Variants in ULK3 observed in about 807,000 individuals in gnomAD.
ULK3 encodes the protein serine/threonine-protein kinase ULK3.
A neutral mutation model predicts 69.4 loss-of-function variants in ULK3; 54 were observed. The ratio of observed to expected loss-of-function variants is 0.78; its 90% CI spans 0.63 to 0.98. ULK3 has a LOEUF of 0.98. ULK3 is among the 50% of genes least tolerant of loss of function. ULK3 has a pLI of 0.00. For synonymous variants in ULK3, 240 were observed against 254.5 expected (o/e 0.94, Z 0.54); for missense variants, 558 against 627.7 (o/e 0.89, Z 1.19).
rs548531073 is a variant in ULK3, at chr15:74,837,634, G to T, written c.1335+117C>A. On this transcript the variant is annotated intron_variant, in intron 14 of 15. Coordinates refer to ENST00000440863, the MANE Select transcript of ULK3 (RefSeq NM_001099436.4). The stretch of plus-strand genomic sequence containing the variant: ...AGTGAAGGGCAGATACAGGGACAGG[G>T]AGGCCTGCAGAGGAGGCGAGAGAGC... 6.6e-6 allele frequency: 9 copies of T among 1,354,508 alleles called. No individual in the cohort carries two copies. In the South Asian group the frequency reaches 1.0e-4, roughly 15 times the overall value. 83.9% of individuals were successfully genotyped at this position (1,354,508 alleles called of 1,614,324 possible).
Position 74,838,756 on chromosome 15 carries a change from GA to G in ULK3, c.1000-12del. 1.9e-6 allele frequency: 3 copies of G among 1,592,114 alleles called. No individual in the cohort carries two copies. Among genetic ancestry groups the G allele is most frequent in the Admixed American group, 3.4e-5 (2 of 58,114 alleles). Reference sequence around the variant, plus strand: ...CACGTACTGCCCCACCTGTAGCAGGGAAAGGGCCTGAGGAGGGGCTGTCTCA... The same window carrying G: ...CACGTACTGCCCCACCTGTAGCAGGGAAGGGCCTGAGGAGGGGCTGTCTCA... On this transcript the variant is annotated splice_polypyrimidine_tract_variant and intron_variant, in intron 9 of 15. Coordinates refer to ENST00000440863, the MANE Select transcript of ULK3 (RefSeq NM_001099436.4).
In ULK3 at chr15:74,842,363, C is replaced by T. The variant is rs1324499763; in HGVS notation, c.160G>A (p.Ala54Thr). The T allele has an allele frequency of 5.0e-6, 8 of 1,613,872 alleles. No individual in the cohort carries two copies. The African/African-American group carries it at 1.1e-4, about 22-fold the overall frequency. The change falls in exon 2 of 16, where the codon GCA (alanine) becomes ACA (threonine). Residue 54 changes from alanine (A) to threonine (T), a missense_variant. Physicochemically the swap from Ala to Thr is moderately conservative, Grantham distance 58 (BLOSUM62 0). Transcript: ENST00000440863. The surrounding 1 kb of genome is among the most constrained non-coding windows in gnomAD (Gnocchi z 4.9). ...KCVAKKSLNK[A>T]SVENLLTEIE... ...TCCGTGAGGAGGTTCTCCACCGATGCCTTGTTCAGACTTTTCTTGGCTACA... is the reference window on the plus strand; with the variant it reads ...TCCGTGAGGAGGTTCTCCACCGATGTCTTGTTCAGACTTTTCTTGGCTACA...
chr15:74,839,719 G>T lies in ULK3; in HGVS notation c.697-6C>A. The stretch of plus-strand genomic sequence containing the variant: ...AGCAGGGGCCGCAAGGGGAGCTGCA[G>T]GGAAGGGAACGGCAGGGACAGATCA... On this transcript the variant is annotated splice_region_variant and splice_polypyrimidine_tract_variant and intron_variant, in intron 6 of 15. Coordinates refer to ENST00000440863, the MANE Select transcript of ULK3 (RefSeq NM_001099436.4). 1 of 1,536,376 alleles carries T rather than the reference G, an allele frequency of 6.5e-7. No homozygotes were observed. The highest frequency in any genetic ancestry group is 2.4e-5 in the East Asian group (1 of 41,936).
chr15:74,840,218 G>T lies in ULK3; in HGVS notation c.696+16C>A. On this transcript the variant is annotated intron_variant, in intron 6 of 15. Transcript: ENST00000440863. ...CCTCTGCCCCCCAGTGGTCGCTAAG[G>T]CCCTGCTAGACACACCTCGATGACC... The T allele has an allele frequency of 6.2e-7, 1 of 1,601,988 alleles. No homozygotes were observed. Among genetic ancestry groups the T allele is most frequent in the Non-Finnish European group, 8.5e-7 (1 of 1,174,734 alleles).
At chr15:74,837,954 GC>G in intron 13 of ULK3, 156 bp from the exon 14 acceptor site, 1 of 1,188,122 alleles carries the variant, frequency 8.4e-7, no homozygotes, top group Non-Finnish European at 1.2e-6. Flanking sequence ...CCTCCAGGAA[GC>G]CTTCCCAGAC....
chr15:74,840,913 T>TC (rs2064224138), intron 4 of ULK3, among the ~76,000 whole-genome samples: 1 of 151,514 alleles, frequency 6.6e-6, no homozygotes, highest in Non-Finnish European at 1.5e-5. Context: ...CCTCTCACTG[T>TC]CCCCCCAGGC....
chr15:74,838,421 C>A lies in ULK3; in HGVS notation c.1167+19G>T. ...CTGCCCTGCCCCGACCCACCTGGAC[C>A]CCTCCCACTGGCACAAACCTTGGCC... On this transcript the variant is annotated intron_variant, in intron 11 of 15. Transcript: ENST00000440863. The A allele has an allele frequency of 2.5e-6, 4 of 1,568,946 alleles. No individual in the cohort carries two copies. The highest frequency in any genetic ancestry group is 2.4e-5 in the East Asian group (1 of 42,012).
Position 74,842,401 on chromosome 15 carries a change from A to G in ULK3, c.122T>C (p.Val41Ala), listed in dbSNP as rs1186653165. 1 of 1,613,844 alleles carries G rather than the reference A, an allele frequency of 6.2e-7. No homozygotes were observed. The highest frequency in any genetic ancestry group is 8.5e-7 in the Non-Finnish European group (1 of 1,179,902). ...TTTCTTGGCTACACACTTTATGGCT[A>G]CCACTTCACGAGTGTCCTTCTGCGA... The part of the protein sequence containing the change: ...AYAKKDTREV[V>A]AIKCVAKKSL... The change falls in exon 2 of 16, where the codon GTA (valine) becomes GCA (alanine). Residue 41 changes from valine (V) to alanine (A), a missense_variant. Coordinates refer to ENST00000440863, the MANE Select transcript of ULK3 (RefSeq NM_001099436.4). The surrounding 1 kb of genome is among the most constrained non-coding windows in gnomAD (Gnocchi z 4.9).
rs1596394319 is a variant in ULK3 at position 74,838,937 on chromosome 15, T to C, written c.999+73A>G. 1.9e-6 allele frequency: 3 copies of C among 1,540,798 alleles called. No individual in the cohort carries two copies. In the East Asian group the frequency reaches 7.3e-5, roughly 37 times the overall value. On this transcript the variant is annotated intron_variant, in intron 9 of 15. Transcript: ENST00000440863. The stretch of plus-strand genomic sequence containing the variant: ...GGAAGTTCCAATTCTAAGAGAGCCA[T>C]TCCCCAGAGGCCCCCGAGATCTCCG...
rs527937535 is a variant in ULK3 at position 74,837,609 on chromosome 15, A to AGG, written c.1335+141_1335+142insCC. On this transcript the variant is annotated intron_variant, in intron 14 of 15. Coordinates refer to ENST00000440863, the MANE Select transcript of ULK3 (RefSeq NM_001099436.4). ...CAGCGCAGTGCCGAGCAAGAGAGAG[A>AGG]GTGAAGGGCAGATACAGGGACAGGG... 258 of 1,349,230 alleles carry AGG rather than the reference A, an allele frequency of 1.9e-4. 2 individuals are homozygous for AGG. The East Asian group carries it at 6.3e-3, about 33-fold the overall frequency. The allele number at this position is 1,349,230 out of a possible 1,614,324, so 83.6% of individuals were successfully genotyped here. A position where few individuals can be genotyped will look rare whatever the true frequency, so the allele number is the denominator to read the frequency against.
intron 13 of ULK3, 53 bp downstream of exon 13, chr15:74,838,099 A>G: frequency 1.9e-6 from 3 of 1,547,858 alleles, no homozygotes; most frequent in Non-Finnish European, 2.6e-6. Context: ...CACAGGTAAG[A>G]GCAGAGAAAG....
rs981180309 is a variant in ULK3, at chr15:74,837,170, C to T, written c.*58G>A. On this transcript the variant is annotated 3_prime_UTR_variant, in exon 16 of 16. Coordinates refer to ENST00000440863, the MANE Select transcript of ULK3 (RefSeq NM_001099436.4). ...GGGCCACTTCATTCTTGGCGTCAGC[C>T]TGGGTTAGTGCCCCTCTGCTCCAGA... 2 of 1,515,872 alleles carry T rather than the reference C, an allele frequency of 1.3e-6. No homozygotes were observed. The highest frequency in any genetic ancestry group is 1.8e-6 in the Non-Finnish European group (2 of 1,132,184). The allele number at this position is 1,515,872 out of a possible 1,614,324, so 93.9% of individuals were successfully genotyped here. A position where few individuals can be genotyped will look rare whatever the true frequency, so the allele number is the denominator to read the frequency against.
intron 9 of ULK3, 112 bp downstream of exon 9, chr15:74,838,898 T>C: frequency 1.4e-6 from 2 of 1,464,224 alleles, no homozygotes; most frequent in Non-Finnish European, 1.9e-6. Context: ...TTCCCAGCTC[T>C]GTGTTGCAGG....
chr15:74,840,703 A>C (rs1302916976), intron 4 of ULK3, 62 bp from the exon 5 acceptor site: 1 of 1,512,082 alleles, frequency 6.6e-7, no homozygotes, highest in Admixed American at 2.3e-5. Context: ...CTGACTTGTA[A>C]AGCCTCACCC....
chr15:74,839,721 G>T lies in ULK3; in HGVS notation c.697-8C>A, dbSNP rs1214443154. ...CAGGGGCCGCAAGGGGAGCTGCAGG[G>T]AAGGGAACGGCAGGGACAGATCACA... On this transcript the variant is annotated splice_region_variant and splice_polypyrimidine_tract_variant and intron_variant, in intron 6 of 15. Transcript: ENST00000440863. 3 of 1,531,898 alleles carry T rather than the reference G, an allele frequency of 2.0e-6. No homozygotes were observed. Among genetic ancestry groups the T allele is most frequent in the Non-Finnish European group, 1.7e-6 (2 of 1,143,564 alleles). 94.9% of individuals were successfully genotyped at this position (1,531,898 alleles called of 1,614,324 possible). A position where few individuals can be genotyped will look rare whatever the true frequency, so the allele number is the denominator to read the frequency against.
rs750480334 is a variant in ULK3, at chr15:74,837,736, C to T, written c.1335+15G>A. ...CCCACAGACCCTAGCCCCAGCGTGG[C>T]CCCCATGTGCCCACCTTGACCTGCT... On this transcript the variant is annotated intron_variant, in intron 14 of 15. Transcript: ENST00000440863. 8 of 1,590,444 alleles carry T rather than the reference C, an allele frequency of 5.0e-6. No homozygotes were observed. Among genetic ancestry groups the T allele is most frequent in the East Asian group, 4.5e-5 (2 of 43,986 alleles).
chr15:74,842,305 T>C lies in ULK3; in HGVS notation c.218A>G (p.His73Arg). ...IEILKGIRHP[H>R]IVQLKDFQWD... ...CTGAAAGTCTTTCAGCTGCACAATG[T>C]GGGGATGTCGAATGCCCTTGAGGAT... Residue 73 changes from histidine to arginine, a missense_variant, in exon 2 of 16, where the codon CAC becomes CGC. Transcript: ENST00000440863. This position sits in a 1 kb window ranked among gnomAD's most constrained non-coding sequence, Gnocchi z 4.9. 6.2e-7 allele frequency: 1 copy of C among 1,614,018 alleles called. No homozygotes were observed. Among genetic ancestry groups the C allele is most frequent in the Non-Finnish European group, 8.5e-7 (1 of 1,179,882 alleles).
intron 7 of ULK3, 92 bp from the exon 8 acceptor site, chr15:74,839,465 T>G: frequency 1.3e-6 from 2 of 1,540,760 alleles, no homozygotes; most frequent in African/African-American, 2.7e-5. Context: ...CCGCCCTCTG[T>G]CTCTGTTGGG....
Position 74,842,866 on chromosome 15 carries a change from TC to T in ULK3, c.102+137del, listed in dbSNP as rs1358688232. 1.5e-6 allele frequency: 2 copies of T among 1,317,634 alleles called. No homozygotes were observed. Among genetic ancestry groups the T allele is most frequent in the Non-Finnish European group, 2.0e-6 (2 of 979,448 alleles). 81.6% of individuals were successfully genotyped at this position (1,317,634 alleles called of 1,614,324 possible). A position where few individuals can be genotyped will look rare whatever the true frequency, so the allele number is the denominator to read the frequency against. Reference sequence around the variant, plus strand: ...CTAAGCGTGGCAGTCGGCTCCAACCTCCGCCGAGGGTCAGCTGGGGCGAGGC... The same window carrying T: ...CTAAGCGTGGCAGTCGGCTCCAACCTCGCCGAGGGTCAGCTGGGGCGAGGC... On this transcript the variant is annotated intron_variant, in intron 1 of 15. Coordinates refer to ENST00000440863, the MANE Select transcript of ULK3 (RefSeq NM_001099436.4). The surrounding 1 kb of genome is among the most constrained non-coding windows in gnomAD (Gnocchi z 4.9).
Sources: allele counts gnomAD v4.1 joint callset (sites outside exome capture counted in the v4.1 genomes callset), GRCh38; gene constraint gnomAD v4.1.1; non-coding constraint Gnocchi (gnomAD v3.1); transcripts MANE v1.5; gene names NCBI Gene and HGNC (gene_info 2026-07-23, HGNC 2026-07-21).